The following TVP23B variants were observed in gnomAD, a reference collection of about 807,000 sequenced individuals.
TVP23B encodes the protein trans-golgi network vesicle protein 23 homolog B.
TVP23B carries 10 observed loss-of-function variants against 30.6 expected under a neutral mutation model. The ratio of observed to expected loss-of-function variants is 0.33; its 90% CI spans 0.20 to 0.55. The LOEUF (loss-of-function observed/expected upper bound fraction) is 0.55, where lower values mean the gene tolerates loss of function less well. TVP23B is among the 20% of genes least tolerant of loss of function. The pLI is 0.91. For synonymous variants in TVP23B, 67 were observed against 83.1 expected, an observed-to-expected ratio of 0.81 and a Z score of 1.06; for missense variants, 153 against 243.2, an observed-to-expected ratio of 0.63 and a Z score of 2.47.
intron 6 of TVP23B, 23 bp from the exon 7 acceptor site, chr17:18,805,518 T>G (rs2036236326): frequency 6.0e-6 from 5 of 834,014 alleles, no homozygotes; most frequent in Non-Finnish European, 8.2e-6. Flanking sequence ...TGTTAAGGAG[T>G]TTTTTTTTTT....
At chr17:18,801,221 G>A (rs1247732412) in intron 5 of TVP23B, among the ~76,000 whole-genome samples, 3 of 152,062 alleles carry the variant, frequency 2.0e-5, no homozygotes, top group African/African-American at 7.2e-5. Context: ...TTTCTGTAGG[G>A]TGAAATAGTC....
At position 18,806,068 on chromosome 17, in the gene TVP23B, A is replaced by T; in HGVS notation, c.*501A>T. 1.0e-6 allele frequency: 1 copy of T among 981,036 alleles called. No individual in the cohort carries two copies. The allele number at this position is 981,036 out of a possible 1,614,324, so 60.8% of individuals were successfully genotyped here. ...TTAGAAATAATTGTTAGTTTTTAAT[A>T]TGCACTTCGTGGGGAAATTTCTTAG... On this transcript the variant is annotated 3_prime_UTR_variant, in exon 7 of 7. Coordinates refer to ENST00000307767, the MANE Select transcript of TVP23B (RefSeq NM_016078.6).
chr17:18,786,524 CAGA>C (rs1384489873), intron 1 of TVP23B, among the ~76,000 whole-genome samples: 1 of 152,012 alleles, frequency 6.6e-6, no homozygotes, highest in East Asian at 1.9e-4. Context: ...GGATCGAGAG[CAGA>C]AGGCCTCAGC....
chr17:18,794,624 G>A (rs1213395017), intron 3 of TVP23B, among the ~76,000 whole-genome samples: 2 of 152,198 alleles, frequency 1.3e-5, no homozygotes, highest in African/African-American at 2.4e-5. Flanking sequence ...AGCAATAAGC[G>A]TGAGAAATCA....
intron 4 of TVP23B, among the ~76,000 whole-genome samples, chr17:18,798,246 C>T (rs899874122): frequency 6.6e-6 from 1 of 152,068 alleles, no homozygotes; most frequent in African/African-American, 2.4e-5. Flanking sequence ...CGACAGTACA[C>T]CAAGGGTATT....
intron 6 of TVP23B, chr17:18,804,509 A>C: frequency 2.4e-6 from 3 of 1,269,370 alleles, no homozygotes; most frequent in Non-Finnish European, 3.0e-6. Flanking sequence ...TTATTTTTTA[A>C]AAATTACTTT....
Position 18,798,961 on chromosome 17 carries a change from A to C in TVP23B, c.462+18A>C, listed in dbSNP as rs8079399. The C allele has an allele frequency of 3.9e-3, 6,267 of 1,601,596 alleles. 224 individuals carry two copies. In the African/African-American group the frequency reaches 0.075, roughly 19 times the overall value. On this transcript the variant is annotated intron_variant, in intron 5 of 6. Coordinates refer to ENST00000307767, the MANE Select transcript of TVP23B (RefSeq NM_016078.6). ...AGTGGTTGGTGAGTATCAGTGTAGA[A>C]CTTTCAAATAATCCATTAAGATGTC...
At chr17:18,783,175 G>A (rs929613342) in intron 1 of TVP23B, among the ~76,000 whole-genome samples, 1 of 149,388 alleles carries the variant, frequency 6.7e-6, no homozygotes, top group African/African-American at 2.5e-5. Context: ...GTGTGATCTC[G>A]GCTCACTGCA....
intron 5 of TVP23B, among the ~76,000 whole-genome samples, chr17:18,799,529 A>G (rs1437830829): frequency 6.6e-6 from 1 of 152,182 alleles, no homozygotes; most frequent in African/African-American, 2.4e-5. Flanking sequence ...CAATCTAGCT[A>G]AGATGTCATA....
intron 3 of TVP23B, among the ~76,000 whole-genome samples, chr17:18,792,040 C>CT (rs547729053): frequency 8.3e-4 from 123 of 148,440 alleles, no homozygotes; most frequent in African/African-American, 2.2e-3. Flanking sequence ...TCTTTTAATT[C>CT]TTTTTTTTTT....
intron 1 of TVP23B, among the ~76,000 whole-genome samples, chr17:18,783,200 G>T (rs888118111): frequency 2.6e-5 from 4 of 151,852 alleles, no homozygotes; most frequent in African/African-American, 9.7e-5. Flanking sequence ...CTGCCTCCCG[G>T]CTTCAAGCGA....
chr17:18,805,389 T>C, intron 6 of TVP23B, 152 bp from the exon 7 acceptor site: 1 of 1,420,496 alleles, frequency 7.0e-7, no homozygotes, highest in Non-Finnish European at 9.2e-7. Flanking sequence ...CAGCCTAGCA[T>C]GTCTACTTTT....
Position 18,805,666 on chromosome 17 carries a change from G to A in TVP23B, c.*99G>A. Reference sequence around the variant, plus strand: ...AGTCCATGTTGCAACGAGGAGTGTTGGCTTTGTTTTTCCACTTAAAAACTT... The same window carrying A: ...AGTCCATGTTGCAACGAGGAGTGTTAGCTTTGTTTTTCCACTTAAAAACTT... On this transcript the variant is annotated 3_prime_UTR_variant, in exon 7 of 7. Coordinates refer to ENST00000307767, the MANE Select transcript of TVP23B (RefSeq NM_016078.6). 1 of 1,504,814 alleles carries A rather than the reference G, an allele frequency of 6.6e-7. No individual in the cohort carries two copies. The highest frequency in any genetic ancestry group is 1.3e-5 in the South Asian group (1 of 75,040). The allele number at this position is 1,504,814 out of a possible 1,614,324, so 93.2% of individuals were successfully genotyped here.
intron 3 of TVP23B, among the ~76,000 whole-genome samples, chr17:18,791,911 G>A (rs1363599806): frequency 6.6e-6 from 1 of 151,904 alleles, no homozygotes; most frequent in African/African-American, 2.4e-5. Context: ...CGAAAATATA[G>A]TAAAATAGTG....
intron 3 of TVP23B, among the ~76,000 whole-genome samples, chr17:18,795,209 TAG>T (rs1467176394): frequency 1.3e-5 from 2 of 151,842 alleles, no homozygotes; most frequent in Non-Finnish European, 2.9e-5. Flanking sequence ...GTATTTTTAG[TAG>T]AGTCAGGGTT....
intron 5 of TVP23B, 82 bp from the exon 6 acceptor site, chr17:18,804,056 C>T: frequency 9.5e-7 from 1 of 1,057,492 alleles, no homozygotes; most frequent in Non-Finnish European, 1.4e-6. Flanking sequence ...TTTCTCATGA[C>T]AGTCTGCCTT....
intron 1 of TVP23B, among the ~76,000 whole-genome samples, chr17:18,786,798 TGACCATTTCTTA>T (rs1349048624): frequency 6.6e-6 from 1 of 151,358 alleles, no homozygotes; most frequent in Non-Finnish European, 1.5e-5. Flanking sequence ...ATGAGCTACT[TGACCATTTCTTA>T]GACAAACTTC....
intron 1 of TVP23B, among the ~76,000 whole-genome samples, chr17:18,784,126 CAG>C (rs1454586231): frequency 6.8e-6 from 1 of 147,344 alleles, no homozygotes; most frequent in Non-Finnish European, 1.5e-5. Context: ...GCCTGGGCGA[CAG>C]AGCCAGACTC....
intron 3 of TVP23B, among the ~76,000 whole-genome samples, chr17:18,794,779 T>TC (rs1008116332): frequency 1.3e-5 from 2 of 151,620 alleles, no homozygotes; most frequent in Non-Finnish European, 2.9e-5. Context: ...CAGCTCTTTT[T>TC]TTTTTTTTTA....
Sources: gnomAD v4.1 joint callset for allele counts (sites outside exome capture counted in the v4.1 genomes callset) on GRCh38, gnomAD v4.1.1 for gene constraint, MANE v1.5 for transcripts, NCBI Gene and HGNC (gene_info 2026-07-23, HGNC 2026-07-21) for gene names.